Variants in TMEM132A observed in about 807,000 individuals in gnomAD.
TMEM132A encodes the protein GRP78-binding protein.
Under a neutral mutation model 69.9 loss-of-function variants are expected in TMEM132A, and 48 were observed. The observed-to-expected ratio is 0.69, with a 90% CI of 0.55 to 0.87. The LOEUF (loss-of-function observed/expected upper bound fraction) is 0.87. Among genes scored for constraint, TMEM132A ranks in the 40% least tolerant of loss-of-function variants. The pLI is 0.00. For synonymous variants in TMEM132A, 577 were observed against 613.7 expected (o/e 0.94, Z 0.88); for missense variants, 1,287 against 1,407.2 (o/e 0.91, Z 1.37).
Position 60,924,528 on chromosome 11 carries a change from G to C in TMEM132A, c.-106G>C. On this transcript the variant is annotated 5_prime_UTR_variant, in exon 1 of 11. Transcript: ENST00000453848. ...GCGGCGGCGGCGGCGGCGGCGGCCG[G>C]GACCCAGCGGGCCAGGTGGGGACGG... 1 of 791,586 alleles carries C rather than the reference G, an allele frequency of 1.3e-6. No homozygotes were observed. Among genetic ancestry groups the C allele is most frequent in the Non-Finnish European group, 1.7e-6 (1 of 576,064 alleles). The allele number at this position is 791,586 out of a possible 1,614,324, so 49.0% of individuals were successfully genotyped here. A position where few individuals can be genotyped will look rare whatever the true frequency, so the allele number is the denominator to read the frequency against.
chr11:60,927,332 C>G lies in TMEM132A; in HGVS notation c.229C>G (p.Arg77Gly). 2 of 1,613,436 alleles carry G rather than the reference C, an allele frequency of 1.2e-6. No homozygotes were observed. The highest frequency in any genetic ancestry group is 1.7e-5 in the Admixed American group (1 of 60,022). ...YPPANSSLSS[R>G]SETFLLLQPW... ...ACCTGCCAACTCCTCTCTGAGCTCC[C>G]GATCTGAGACCTTTCTGCTCCTACA... Residue 77 changes from arginine to glycine, a missense_variant, in exon 2 of 11, where the codon CGA becomes GGA. Coordinates refer to ENST00000453848, the MANE Select transcript of TMEM132A (RefSeq NM_178031.3).
chr11:60,934,445 C>T (rs1422154385), intron 8 of TMEM132A, 43 bp from the exon 9 acceptor site: 1 of 1,334,596 alleles, frequency 7.5e-7, no homozygotes, highest in Non-Finnish European at 9.6e-7. Context: ...CAGGCTGGGG[C>T]CGCTCAGCGC....
At position 60,936,893 on chromosome 11, in the gene TMEM132A, C is replaced by A; in HGVS notation, c.3058C>A (p.Arg1020=). The A allele has an allele frequency of 1.3e-6, 2 of 1,550,296 alleles. No homozygotes were observed. The highest frequency in any genetic ancestry group is 1.7e-6 in the Non-Finnish European group (2 of 1,147,854). The change falls in exon 11 of 11, where the codon CGG becomes AGG. Residue 1020 remains arginine (R), a synonymous_variant. Transcript: ENST00000453848. ...EELRNYMERI[R]GSS Reference sequence around the variant, plus strand: ...GCTTCGCAACTACATGGAGAGGATCCGGGGCAGCTCCTGACCCTCCACAGC... The same window carrying A: ...GCTTCGCAACTACATGGAGAGGATCAGGGGCAGCTCCTGACCCTCCACAGC...
In TMEM132A at chr11:60,934,601, C is replaced by T. The variant is rs1243552066; in HGVS notation, c.1673C>T (p.Pro558Leu). Residue 558 changes from proline to leucine, a missense_variant, in exon 9 of 11, where the codon CCG (proline) becomes CTG (leucine). By Grantham distance (98) the Pro-to-Leu change is moderately conservative (BLOSUM62 -3). Transcript: ENST00000453848. ...VRFLAPFAAH[P>L]LDGGRRLTHL... ...TTCCTCGCCCCCTTCGCGGCCCACCCGCTGGACGGCGGCCGCCGCCTCACG... is the reference window on the plus strand; with the variant it reads ...TTCCTCGCCCCCTTCGCGGCCCACCTGCTGGACGGCGGCCGCCGCCTCACG... The T allele has an allele frequency of 1.9e-6, 3 of 1,574,346 alleles. No individual in the cohort carries two copies. Among genetic ancestry groups the T allele is most frequent in the South Asian group, 1.1e-5 (1 of 87,704 alleles).
intron 2 of TMEM132A, 23 bp downstream of exon 2, chr11:60,927,441 T>C: frequency 1.3e-6 from 2 of 1,596,126 alleles, no homozygotes; most frequent in Non-Finnish European, 1.7e-6. Flanking sequence ...CACCGGGGAC[T>C]CTCAGGCTAA....
chr11:60,935,775 C>T lies in TMEM132A; in HGVS notation c.2029-89C>T. 1 of 1,449,260 alleles carries T rather than the reference C, an allele frequency of 6.9e-7. No individual in the cohort carries two copies. The highest frequency in any genetic ancestry group is 2.0e-5 in the Admixed American group (1 of 50,830). 89.8% of individuals were successfully genotyped at this position (1,449,260 alleles called of 1,614,324 possible). On this transcript the variant is annotated intron_variant, in intron 10 of 10. Transcript: ENST00000453848. This position sits in a 1 kb window ranked among gnomAD's most constrained non-coding sequence, Gnocchi z 5.0. Reference sequence around the variant, plus strand: ...GTCTCTGTTTTCTCTCTGGTCTCTCCTCCATGTGGCCTATCTCTGTGGGAG... The same window carrying T: ...GTCTCTGTTTTCTCTCTGGTCTCTCTTCCATGTGGCCTATCTCTGTGGGAG...
chr11:60,932,347 G>A (rs749992465), intron 7 of TMEM132A: 94 of 485,230 alleles, frequency 1.9e-4, no homozygotes, highest in Non-Finnish European at 2.8e-4. Context: ...ACACTTTCAC[G>A]CTCATTATTG....
chr11:60,925,035 C>A (rs375522268), intron 1 of TMEM132A, among the ~76,000 whole-genome samples: 1 of 152,144 alleles, frequency 6.6e-6, no homozygotes, highest in East Asian at 1.9e-4. Flanking sequence ...TCGAACCCGG[C>A]GGCCCCGGTC....
intron 8 of TMEM132A, chr11:60,934,029 A>C: frequency 2.1e-6 from 1 of 472,390 alleles, no homozygotes; most frequent in Non-Finnish European, 3.7e-6. Flanking sequence ...CATCCTTTCC[A>C]CGCTCCTCCC....
At chr11:60,926,053 A>C (rs554996135) in intron 1 of TMEM132A, 2 of 152,340 alleles carry the variant, frequency 1.3e-5, no homozygotes, top group African/African-American at 4.8e-5. Flanking sequence ...GGAGGCACCC[A>C]GGGTTGCAAA....
intron 1 of TMEM132A, chr11:60,926,926 G>T: frequency 1.9e-6 from 1 of 528,336 alleles, no homozygotes; most frequent in South Asian, 2.1e-5. Flanking sequence ...GAAGGCTGTT[G>T]GCGAGAAGAA....
chr11:60,928,883 G>A lies in TMEM132A; in HGVS notation c.789G>A (p.Met263Ile). The change falls in exon 4 of 11, where the codon ATG becomes ATA. Residue 263 changes from methionine to isoleucine, a missense_variant. Physicochemically the swap from Met to Ile is conservative, Grantham distance 10 (BLOSUM62 1). Coordinates refer to ENST00000453848, the MANE Select transcript of TMEM132A (RefSeq NM_178031.3). ...DEAVTLRVPD[M>I]PVRPGQLFSA... ...CTGTGACTCTGCGGGTGCCTGACAT[G>A]CCAGTGCGGCCCGGCCAGCTCTTTA... The A allele has an allele frequency of 1.9e-6, 3 of 1,612,802 alleles. No individual in the cohort carries two copies. Among genetic ancestry groups the A allele is most frequent in the Non-Finnish European group, 2.5e-6 (3 of 1,180,026 alleles).
rs1856408018 is a variant in TMEM132A, at chr11:60,928,789, T to C, written c.695T>C (p.Leu232Pro). The change falls in exon 4 of 11, where the codon CTC (leucine) becomes CCC (proline). Residue 232 changes from leucine (L) to proline (P), a missense_variant. Coordinates refer to ENST00000453848, the MANE Select transcript of TMEM132A (RefSeq NM_178031.3). ...GAGAACGACCCTGGGGAGCAGGCCC[T>C]CCCAGTGGGGGGTGTGGAGCTGCGC... ...GEENDPGEQA[L>P]PVGGVELRPA... is the part of the protein sequence containing the mutation. The C allele has an allele frequency of 6.2e-7, 1 of 1,610,478 alleles. No individual in the cohort carries two copies. The highest frequency in any genetic ancestry group is 2.2e-5 in the East Asian group (1 of 44,832).
Position 60,936,874 on chromosome 11 carries a change from C to A in TMEM132A, c.3039C>A (p.Arg1013=). 6.3e-7 allele frequency: 1 copy of A among 1,583,458 alleles called. No individual in the cohort carries two copies. The highest frequency in any genetic ancestry group is 8.6e-7 in the Non-Finnish European group (1 of 1,166,888). The change falls in exon 11 of 11, where the codon CGC becomes CGA. Residue 1013 remains arginine (R), a synonymous_variant. Transcript: ENST00000453848. ...DMGLKDPEEL[R]NYMERIRGSS The stretch of plus-strand genomic sequence containing the variant: ...GGCTGAAGGACCCTGAGGAGCTTCG[C>A]AACTACATGGAGAGGATCCGGGGCA...
rs1449989239 is a variant in TMEM132A, at chr11:60,924,625, G to C, written c.-9G>C. 1.4e-5 allele frequency: 22 copies of C among 1,589,610 alleles called. No homozygotes were observed. The highest frequency in any genetic ancestry group is 1.7e-5 in the Non-Finnish European group (20 of 1,174,218). On this transcript the variant is annotated 5_prime_UTR_variant, in exon 1 of 11. Transcript: ENST00000453848. ...GCCGCCCGCCTCGTCCCCGCCTTCT[G>C]TGGGAAGGATGTGCGCGCGGATGGC...
intron 3 of TMEM132A, 113 bp from the exon 4 acceptor site, chr11:60,928,516 G>C (rs1856399593): frequency 2.0e-6 from 2 of 1,019,062 alleles, no homozygotes; most frequent in Non-Finnish European, 2.9e-6. Context: ...CCCATGCTGG[G>C]CCTCCCTTTC....
Position 60,935,250 on chromosome 11 carries a change from A to T in TMEM132A, c.1837-2A>T. On this transcript the variant is annotated splice_acceptor_variant, in intron 9 of 10. Coordinates refer to ENST00000453848, the MANE Select transcript of TMEM132A (RefSeq NM_178031.3). LOFTEE classifies it high-confidence loss of function. The surrounding 1 kb of genome is among the most constrained non-coding windows in gnomAD (Gnocchi z 5.0). ...CCACCTCCAGCTCCTTTCCACCCTCAGGTGCGTTCCCCACTGTCTGACTCC... is the reference window on the plus strand; with the variant it reads ...CCACCTCCAGCTCCTTTCCACCCTCTGGTGCGTTCCCCACTGTCTGACTCC... 6.2e-7 allele frequency: 1 copy of T among 1,604,490 alleles called. No homozygotes were observed. Among genetic ancestry groups the T allele is most frequent in the Non-Finnish European group, 8.5e-7 (1 of 1,176,384 alleles).
chr11:60,936,799 C>T lies in TMEM132A; in HGVS notation c.2964C>T (p.Ser988=). The T allele has an allele frequency of 1.2e-6, 2 of 1,613,454 alleles. No homozygotes were observed. Among genetic ancestry groups the T allele is most frequent in the Non-Finnish European group, 1.7e-6 (2 of 1,179,724 alleles). ...CTGTAGGGGCCCCTGCTGTGCAGTC[C>T]ATCCTTGTGGCAGGCGAGGAGGACA... ...EEPVGAPAVQ[S]ILVAGEEDIR... The change falls in exon 11 of 11, where the codon TCC becomes TCT. Residue 988 remains serine, a synonymous_variant. Coordinates refer to ENST00000453848, the MANE Select transcript of TMEM132A (RefSeq NM_178031.3).
At chr11:60,930,431 G>A in intron 4 of TMEM132A, 79 bp from the exon 5 acceptor site, 1 of 1,478,788 alleles carries the variant, frequency 6.8e-7, no homozygotes, top group Non-Finnish European at 9.0e-7. Context: ...GATGGCTTTG[G>A]CTCCTTGTCT....
Sources: gnomAD v4.1 joint callset for allele counts (sites outside exome capture counted in the v4.1 genomes callset) on GRCh38, gnomAD v4.1.1 for gene constraint, Gnocchi (gnomAD v3.1) non-coding constraint, MANE v1.5 for transcripts, NCBI Gene and HGNC (gene_info 2026-07-23, HGNC 2026-07-21) for gene names.